The following KIF26B variants were observed in gnomAD, a reference collection of about 807,000 sequenced individuals.
KIF26B encodes kinesin-like protein KIF26B.
Under a neutral mutation model 151.2 loss-of-function variants are expected in KIF26B, and 63 were observed. The ratio of observed to expected loss-of-function variants is 0.42; its 90% CI spans 0.34 to 0.51. The LOEUF is 0.51. KIF26B is among the 20% of genes least tolerant of loss of function. KIF26B has a pLI of 0.07. For missense variants in KIF26B, 2,813 were observed against 2,913.6 expected (o/e 0.97, Z 0.79); for synonymous variants, 1,357 against 1,262.1 (o/e 1.08, Z -1.59).
rs1180404765 is a variant in KIF26B at position 245,705,715 on chromosome 1, C to G, written c.*3109C>G. 5.3e-5 allele frequency: 8 copies of G among 152,252 alleles called. No homozygotes were observed. Among genetic ancestry groups the G allele is most frequent in the Admixed American group, 1.3e-4 (2 of 15,284 alleles). The allele number at this position is 152,252 out of a possible 1,614,324, so 9.4% of individuals were successfully genotyped here. A position where few individuals can be genotyped will look rare whatever the true frequency, so the allele number is the denominator to read the frequency against. ...ATTAGCAGCGGAGCAAAACTAAGAT[C>G]TAAGAACGGGCGGTGGTGCTATTGT... On this transcript the variant is annotated 3_prime_UTR_variant, in exon 15 of 15. Transcript: ENST00000407071.
chr1:245,448,047 G>T (rs993190951), intron 4 of KIF26B, among the ~76,000 whole-genome samples: 1 of 152,230 alleles, frequency 6.6e-6, no homozygotes, highest in South Asian at 2.1e-4. Context: ...CCACTTTGGG[G>T]CTCACATGCC....
At chr1:245,336,450 G>C (rs1258832642) in intron 2 of KIF26B, among the ~76,000 whole-genome samples, 1 of 152,200 alleles carries the variant, frequency 6.6e-6, no homozygotes, top group African/African-American at 2.4e-5. Context: ...CTGGCCACTT[G>C]GTGAAGGTCG....
chr1:245,314,597 T>C (rs1671727966), intron 2 of KIF26B, among the ~76,000 whole-genome samples: 1 of 152,184 alleles, frequency 6.6e-6, no homozygotes, highest in Non-Finnish European at 1.5e-5. Flanking sequence ...AGTTGAATGC[T>C]TGTCTGGGTG....
At chr1:245,234,929 C>T (rs781287562) in intron 2 of KIF26B, among the ~76,000 whole-genome samples, 1 of 152,148 alleles carries the variant, frequency 6.6e-6, no homozygotes, top group Non-Finnish European at 1.5e-5. Flanking sequence ...CACAGGCTGG[C>T]TCTGCAGGAG....
At chr1:245,222,307 G>A (rs1230076307) in intron 2 of KIF26B, among the ~76,000 whole-genome samples, 3 of 152,016 alleles carry the variant, frequency 2.0e-5, no homozygotes, top group Admixed American at 6.6e-5. Flanking sequence ...TGTGGTGGTG[G>A]GTGTCTGTAA....
chr1:245,691,129 T>A (rs1214450545), intron 12 of KIF26B, among the ~76,000 whole-genome samples: 2 of 152,242 alleles, frequency 1.3e-5, no homozygotes, highest in Non-Finnish European at 1.5e-5. Context: ...TCCATTTCAT[T>A]ATTTCCGTGG....
At chr1:245,579,548 G>A (rs937692441) in intron 5 of KIF26B, among the ~76,000 whole-genome samples, 12 of 152,102 alleles carry the variant, frequency 7.9e-5, no homozygotes, top group East Asian at 1.9e-4. Context: ...GTGGCTCAAC[G>A]CCTGTAATCC....
At chr1:245,477,915 C>G (rs1660075675) in intron 4 of KIF26B, among the ~76,000 whole-genome samples, 1 of 151,696 alleles carries the variant, frequency 6.6e-6, no homozygotes, top group East Asian at 1.9e-4. Context: ...GGTTTTTAGT[C>G]TAGTCATCAT....
At chr1:245,684,150 G>A (rs930720489) in intron 10 of KIF26B, 83 bp from the exon 11 acceptor site, 2 of 1,450,426 alleles carry the variant, frequency 1.4e-6, no homozygotes, top group Admixed American at 2.1e-5. Flanking sequence ...CAACAAAATG[G>A]CCGTGTGCAG....
chr1:245,548,488 G>A (rs924592510), intron 5 of KIF26B, among the ~76,000 whole-genome samples: 7 of 152,110 alleles, frequency 4.6e-5, no homozygotes, highest in African/African-American at 1.7e-4. Context: ...AGAAGGTGAC[G>A]CTTCATGCCA....
intron 4 of KIF26B, among the ~76,000 whole-genome samples, chr1:245,433,698 A>T (rs561095252): frequency 6.6e-6 from 1 of 152,340 alleles, no homozygotes; most frequent in African/African-American, 2.4e-5. Context: ...CATATGCAAA[A>T]AATGATCTTA....
intron 5 of KIF26B, among the ~76,000 whole-genome samples, chr1:245,582,535 C>T (rs905234625): frequency 8.5e-5 from 13 of 152,054 alleles, no homozygotes; most frequent in Non-Finnish European, 1.6e-4. Context: ...GACTTTAACT[C>T]GTTCCATAAA....
In KIF26B at chr1:245,590,100, C is replaced by T. The variant is rs181525263; in HGVS notation, c.1351-12477C>T. Among the ~76,000 whole-genome samples the T allele has an allele frequency of 5.1e-3, 772 of 152,130 alleles. 12 individuals are homozygous for T. The highest frequency in any genetic ancestry group is 0.018 in the African/African-American group (727 of 41,530). On this transcript the variant is annotated intron_variant, in intron 5 of 14. Transcript: ENST00000407071. ...TGGGCCCTTTATTAACAATAAGCCG[C>T]CTCTGTGGCGGCTGGGCCCCGCGGG...
intron 2 of KIF26B, among the ~76,000 whole-genome samples, chr1:245,310,772 A>AG (rs1479446596): frequency 1.3e-5 from 2 of 152,106 alleles, no homozygotes; most frequent in East Asian, 3.9e-4. Flanking sequence ...CAGGGGAGGG[A>AG]GGATGCCTGC....
intron 9 of KIF26B, among the ~76,000 whole-genome samples, chr1:245,633,250 G>A (rs1013640662): frequency 1.4e-5 from 2 of 146,484 alleles, no homozygotes; most frequent in Non-Finnish European, 3.0e-5. Context: ...CAAATGAAAT[G>A]CATTTGTTGG....
chr1:245,323,279 A>G (rs1302866361), intron 2 of KIF26B, among the ~76,000 whole-genome samples: 1 of 152,070 alleles, frequency 6.6e-6, no homozygotes, highest in Non-Finnish European at 1.5e-5. Context: ...ACCTCATTTG[A>G]TCTTTCAACA....
intron 4 of KIF26B, among the ~76,000 whole-genome samples, chr1:245,449,112 G>A (rs1659319239): frequency 6.6e-6 from 1 of 152,178 alleles, no homozygotes; most frequent in Non-Finnish European, 1.5e-5. Flanking sequence ...TGTGGATTTG[G>A]AACCAAAATG....
At chr1:245,682,905 G>GCTC (rs35122706) in intron 10 of KIF26B, among the ~76,000 whole-genome samples, 18,149 of 151,460 alleles carry the variant, frequency 0.12, 1,469 homozygotes, top group African/African-American at 0.23. Flanking sequence ...AACTTTCACA[G>GCTC]CTCCTCCTCC....
At chr1:245,513,540 A>C (rs185949926) in intron 4 of KIF26B, among the ~76,000 whole-genome samples, 1 of 152,184 alleles carries the variant, frequency 6.6e-6, no homozygotes, top group African/African-American at 2.4e-5. Flanking sequence ...TGCCTTACAC[A>C]TGGAACGAAG....
Sources: gnomAD v4.1 joint callset for allele counts (sites outside exome capture counted in the v4.1 genomes callset) on GRCh38, gnomAD v4.1.1 for gene constraint, MANE v1.5 for transcripts, NCBI Gene and HGNC (gene_info 2026-07-23, HGNC 2026-07-21) for gene names.